SPDYE10: variants seen among roughly 807,000 people sequenced by gnomAD.
The protein encoded by SPDYE10 is speedy/RINGO cell cycle regulator family member E10.
At chr7:73,137,458 G>T in the SPDYE10 span, among the ~76,000 whole-genome samples, 4 of 150,184 alleles carry the variant, frequency 2.7e-5, no homozygotes, top group Admixed American at 6.6e-5. Context: ...GAAGGCAGAG[G>T]TTGCAGTAAG....
At chr7:73,137,542 GAGAA>G in the SPDYE10 span, among the ~76,000 whole-genome samples, 18 of 133,562 alleles carry the variant, frequency 1.3e-4, no homozygotes, top group East Asian at 2.7e-3. Context: ...GAAAGAGAGA[GAGAA>G]AGAAAGAGAA....
the SPDYE10 span, among the ~76,000 whole-genome samples, chr7:73,141,070 C>A: frequency 2.2e-5 from 3 of 136,028 alleles, no homozygotes; most frequent in African/African-American, 7.9e-5. Flanking sequence ...TCCATTTCTA[C>A]CACACACACA....
chr7:73,149,133 A>AGTT, the SPDYE10 span, among the ~76,000 whole-genome samples: 1 of 150,862 alleles, frequency 6.6e-6, no homozygotes, highest in African/African-American at 2.4e-5. Flanking sequence ...GGCGTGCGTC[A>AGTT]CCATGCCCAG....
the SPDYE10 span, among the ~76,000 whole-genome samples, chr7:73,150,907 A>AAAAAAAAAT: frequency 1.7e-4 from 2 of 11,576 alleles, no homozygotes; most frequent in Middle Eastern, 0.062. Context: ...AAAAAAAAAA[A>AAAAAAAAAT]ATATATATAT....
At chr7:73,124,938 TAAAG>T in the SPDYE10 span, among the ~76,000 whole-genome samples, 1 of 144,302 alleles carries the variant, frequency 6.9e-6, no homozygotes, top group African/African-American at 2.7e-5. Flanking sequence ...AATAAATAAA[TAAAG>T]AAATAAAATC....
At chr7:73,145,090 T>G in the SPDYE10 span, among the ~76,000 whole-genome samples, 1 of 138,944 alleles carries the variant, frequency 7.2e-6, no homozygotes, top group Non-Finnish European at 1.5e-5. Context: ...TCTTTCTTCT[T>G]TCTTTCTTTC....
the SPDYE10 span, among the ~76,000 whole-genome samples, chr7:73,128,273 T>G: frequency 7.0e-6 from 1 of 141,902 alleles, no homozygotes; most frequent in Non-Finnish European, 1.5e-5. Flanking sequence ...ACAATGTTTA[T>G]GGTTCAACTT....
the SPDYE10 span, among the ~76,000 whole-genome samples, chr7:73,127,327 G>C: frequency 1.1e-5 from 1 of 92,052 alleles, no homozygotes; most frequent in Non-Finnish European, 2.2e-5. Flanking sequence ...GATGTGGGCA[G>C]ATCAGCAGAG....
the SPDYE10 span, among the ~76,000 whole-genome samples, chr7:73,152,135 C>T: frequency 1.4e-5 from 2 of 142,964 alleles, no homozygotes; most frequent in African/African-American, 5.3e-5. Context: ...CTACCTCAGC[C>T]TCCCAAGTAG....
chr7:73,115,000 G>A, the SPDYE10 span, among the ~76,000 whole-genome samples: 20 of 152,064 alleles, frequency 1.3e-4, no homozygotes, highest in South Asian at 2.3e-3. Flanking sequence ...GGGTTCAAGC[G>A]ATTCCCCCAC....
the SPDYE10 span, among the ~76,000 whole-genome samples, chr7:73,149,101 C>T: frequency 1.3e-5 from 2 of 151,796 alleles, no homozygotes; most frequent in Non-Finnish European, 2.9e-5. Context: ...CCACGTCAGC[C>T]TCCGAAGTAG....
chr7:73,117,069 G>GTT, the SPDYE10 span, among the ~76,000 whole-genome samples: 4 of 138,914 alleles, frequency 2.9e-5, no homozygotes, highest in Non-Finnish European at 3.1e-5. Context: ...TAATTTTTGG[G>GTT]TTTTTTTTTT....
At chr7:73,126,633 CATT>C in the SPDYE10 span, among the ~76,000 whole-genome samples, 4 of 146,020 alleles carry the variant, frequency 2.7e-5, no homozygotes, top group Admixed American at 2.7e-4. Flanking sequence ...AGGGTTCTAT[CATT>C]ATTAAACCAC....
chr7:73,143,591 GA>G, the SPDYE10 span, among the ~76,000 whole-genome samples: 4 of 150,830 alleles, frequency 2.7e-5, no homozygotes, highest in Non-Finnish European at 5.9e-5. Flanking sequence ...ACGAGATTTA[GA>G]GGGGACAAAT....
the SPDYE10 span, chr7:73,110,092 GA>G: frequency 7.8e-6 from 1 of 128,214 alleles, no homozygotes; most frequent in South Asian, 3.2e-4. Context: ...GAGGCCGAAG[GA>G]GGCCCTGGGT....
At chr7:73,114,466 G>A in the SPDYE10 span, among the ~76,000 whole-genome samples, 37 of 150,356 alleles carry the variant, frequency 2.5e-4, 2 homozygotes, top group Non-Finnish European at 4.4e-4. Flanking sequence ...TGCCAACACC[G>A]AGTATTCATG....
the SPDYE10 span, chr7:73,154,839 G>T: frequency 2.0e-5 from 4 of 201,788 alleles, no homozygotes; most frequent in South Asian, 1.4e-4. Flanking sequence ...CAGCAGCACC[G>T]GGGGAGCCCC....
chr7:73,154,881 G>C, the SPDYE10 span: 1 of 161,352 alleles, frequency 6.2e-6, no homozygotes, highest in Admixed American at 6.5e-5. Flanking sequence ...GGCAGGCCGC[G>C]CGCGGGCCGC....
the SPDYE10 span, among the ~76,000 whole-genome samples, chr7:73,137,850 GA>G: frequency 1.7e-4 from 15 of 86,358 alleles, no homozygotes; most frequent in South Asian, 5.9e-4. Context: ...GGAAGGAGAG[GA>G]GAAGGGGAGG....
Sources: gnomAD v4.1 joint callset for allele counts (sites outside exome capture counted in the v4.1 genomes callset) on GRCh38, gnomAD v4.1.1 for gene constraint, MANE v1.5 for transcripts, NCBI Gene and HGNC (gene_info 2026-07-23, HGNC 2026-07-21) for gene names.